DAB1: variants seen among roughly 807,000 people sequenced by gnomAD.
The protein encoded by DAB1 is DAB adaptor protein 1, also known as disabled homolog 1.
Under a neutral mutation model 64.6 loss-of-function variants are expected in DAB1, and 15 were observed. The observed-to-expected ratio is 0.23, with a 90% CI of 0.16 to 0.36. DAB1 has a LOEUF of 0.36. Ranked by LOEUF, DAB1 falls within the 10% of genes least tolerant of loss-of-function variation. The pLI, the probability that DAB1 is intolerant of heterozygous loss-of-function variation, is 1.00. For synonymous variants in DAB1, 235 were observed against 251.9 expected (o/e 0.93, Z 0.64); for missense variants, 596 against 706.7 (o/e 0.84, Z 1.78).
intron 7 of DAB1, among the ~76,000 whole-genome samples, chr1:57,561,024 C>G: frequency 6.6e-6 from 1 of 152,172 alleles, no homozygotes; most frequent in East Asian, 1.9e-4. Context: ...ATTCCATCAT[C>G]AAATGGAAGT....
chr1:58,110,009 G>T (rs1428732280), intron 5 of DAB1, among the ~76,000 whole-genome samples: 1 of 152,256 alleles, frequency 6.6e-6, no homozygotes, highest in African/African-American at 2.4e-5. Flanking sequence ...TCCTGGTCCA[G>T]GGATGGCCCA....
rs1645605647 is a variant in DAB1 at position 56,996,114 on chromosome 1, T to G, written c.*2030A>C. The G allele has an allele frequency of 6.6e-6, 1 of 152,238 alleles. No individual in the cohort carries two copies. Among genetic ancestry groups the G allele is most frequent in the Admixed American group, 6.5e-5 (1 of 15,286 alleles). 9.4% of individuals were successfully genotyped at this position (152,238 alleles called of 1,614,324 possible). A position where few individuals can be genotyped will look rare whatever the true frequency, so the allele number is the denominator to read the frequency against. ...GGGCTTTAAATGATAACCATTACCTTCATGTATCACTTTTCGCTTTGTGAA... is the reference window on the plus strand; with the variant it reads ...GGGCTTTAAATGATAACCATTACCTGCATGTATCACTTTTCGCTTTGTGAA... On this transcript the variant is annotated 3_prime_UTR_variant, in exon 15 of 15. Coordinates refer to ENST00000371236, the MANE Select transcript of DAB1 (RefSeq NM_001365792.1).
chr1:58,012,683 G>A (rs1032551696), intron 5 of DAB1, among the ~76,000 whole-genome samples: 6 of 152,118 alleles, frequency 3.9e-5, no homozygotes. Context: ...TCTGCCACAT[G>A]AGAATACGAG....
chr1:58,313,818 C>CGTGTGTGT lies in DAB1; in HGVS notation n.309+29533_309+29534insACACACAC, dbSNP rs563478816. Among the ~76,000 whole-genome samples, 168 of 85,916 alleles carry CGTGTGTGT rather than the reference C, an allele frequency of 2.0e-3. 2 individuals carry two copies. Among genetic ancestry groups the CGTGTGTGT allele is most frequent in the African/African-American group, 8.0e-3 (150 of 18,742 alleles). 56.4% of individuals were successfully genotyped at this position (85,916 alleles called of 152,430 possible). A position where few individuals can be genotyped will look rare whatever the true frequency, so the allele number is the denominator to read the frequency against. On this transcript the variant is annotated intron_variant and non_coding_transcript_variant, in intron 4 of 20. Transcript: ENST00000485760. ...GGTGGCCATCCTCTCATTGTATCTTCATGTGTGTGTGTGTGTGTGTGTGTG... is the reference window on the plus strand; with the variant it reads ...GGTGGCCATCCTCTCATTGTATCTTCGTGTGTGTATGTGTGTGTGTGTGTGTGTGTGTG...
chr1:58,007,065 C>A (rs1221995878), intron 5 of DAB1, among the ~76,000 whole-genome samples: 1 of 152,096 alleles, frequency 6.6e-6, no homozygotes, highest in Non-Finnish European at 1.5e-5. Context: ...ATGGAATGCA[C>A]CCCCATGAAA....
At chr1:57,208,274 A>G (rs1313213348) in intron 2 of DAB1, among the ~76,000 whole-genome samples, 3 of 152,242 alleles carry the variant, frequency 2.0e-5, no homozygotes, top group East Asian at 3.8e-4. Context: ...AAGTATGTCA[A>G]GAACCTTAAA....
intron 1 of DAB1, among the ~76,000 whole-genome samples, chr1:57,326,444 G>A (rs542923556): frequency 6.6e-6 from 1 of 152,136 alleles, no homozygotes; most frequent in East Asian, 1.9e-4. Flanking sequence ...CTGAAAGAGG[G>A]TATTAAACAC....
intron 5 of DAB1, among the ~76,000 whole-genome samples, chr1:58,020,605 AGGTTCTGTAAAAAAAAGTCTT>A (rs1646801374): frequency 6.6e-6 from 1 of 152,224 alleles, no homozygotes; most frequent in African/African-American, 2.4e-5. Context: ...GAGGTATAGC[AGGTTCTGTAAAAAAAAGTCTT>A]CCTCTCCCAA....
intron 7 of DAB1, among the ~76,000 whole-genome samples, chr1:57,455,928 G>T (rs1162437402): frequency 6.6e-6 from 1 of 152,066 alleles, no homozygotes; most frequent in Non-Finnish European, 1.5e-5. Flanking sequence ...TCCTCTGCCT[G>T]AATTCATCAT....
intron 5 of DAB1, among the ~76,000 whole-genome samples, chr1:58,089,712 C>G (rs1234622722): frequency 2.0e-5 from 3 of 152,126 alleles, no homozygotes; most frequent in Non-Finnish European, 4.4e-5. Context: ...CGGTAAACCT[C>G]TTAGTATTTA....
At chr1:58,153,792 C>G (rs184788927) in intron 4 of DAB1, among the ~76,000 whole-genome samples, 51 of 150,204 alleles carry the variant, frequency 3.4e-4, no homozygotes, top group Admixed American at 6.7e-4. Flanking sequence ...CTGTGTTAAC[C>G]CGTCCTGTCA....
chr1:57,676,942 T>C (rs901400257), intron 6 of DAB1, among the ~76,000 whole-genome samples: 3 of 152,178 alleles, frequency 2.0e-5, no homozygotes, highest in Non-Finnish European at 4.4e-5. Flanking sequence ...TTAAACTGCG[T>C]TCTCCTCCCA....
intron 5 of DAB1, among the ~76,000 whole-genome samples, chr1:58,090,050 G>C (rs1570339100): frequency 2.0e-5 from 3 of 152,050 alleles, no homozygotes; most frequent in Non-Finnish European, 4.4e-5. Flanking sequence ...ATCAAAGGCA[G>C]CCAGCCTTGT....
intron 1 of DAB1, among the ~76,000 whole-genome samples, chr1:57,346,350 T>C (rs1678099515): frequency 6.6e-6 from 1 of 152,208 alleles, no homozygotes; most frequent in Admixed American, 6.5e-5. Flanking sequence ...CTCAAAGAGA[T>C]TTTGATGTGA....
intron 2 of DAB1, among the ~76,000 whole-genome samples, chr1:57,249,376 G>A (rs1161257637): frequency 6.6e-6 from 1 of 152,006 alleles, no homozygotes; most frequent in Non-Finnish European, 1.5e-5. Flanking sequence ...TTGTTGTTTT[G>A]TTTATTTGTT....
chr1:58,109,101 T>A (rs1461133952), intron 5 of DAB1, among the ~76,000 whole-genome samples: 1 of 152,202 alleles, frequency 6.6e-6, no homozygotes, highest in Non-Finnish European at 1.5e-5. Flanking sequence ...AAACTTTTAG[T>A]GTTGGGGCTT....
intron 2 of DAB1, among the ~76,000 whole-genome samples, chr1:57,155,572 A>T (rs1471094761): frequency 6.7e-6 from 1 of 150,172 alleles, no homozygotes; most frequent in African/African-American, 2.5e-5. Flanking sequence ...TTCTATTTCT[A>T]TGAGGAACGT....
At chr1:58,146,885 G>C (rs1654626924) in intron 5 of DAB1, among the ~76,000 whole-genome samples, 1 of 152,068 alleles carries the variant, frequency 6.6e-6, no homozygotes, top group Non-Finnish European at 1.5e-5. Context: ...ATTGTGTAAT[G>C]CTGCAGTGAA....
At chr1:58,299,368 C>T (rs1662068276) in intron 4 of DAB1, among the ~76,000 whole-genome samples, 1 of 152,158 alleles carries the variant, frequency 6.6e-6, no homozygotes, top group South Asian at 2.1e-4. Context: ...AGGCTGTGCA[C>T]TTTCAATGAG....
Sources: gnomAD v4.1 joint callset for allele counts (sites outside exome capture counted in the v4.1 genomes callset) on GRCh38, gnomAD v4.1.1 for gene constraint, MANE v1.5 for transcripts, NCBI Gene and HGNC (gene_info 2026-07-23, HGNC 2026-07-21) for gene names.